TDRD9: variants seen among roughly 807,000 people sequenced by gnomAD.
The protein encoded by TDRD9 is ATP-dependent RNA helicase TDRD9.
Under a neutral mutation model 172.6 loss-of-function variants are expected in TDRD9, and 124 were observed. The ratio of observed to expected loss-of-function variants is 0.72; its 90% CI spans 0.62 to 0.83. The LOEUF (loss-of-function observed/expected upper bound fraction) is 0.83, where lower values mean the gene tolerates loss of function less well. Ranked by LOEUF, TDRD9 falls within the 40% of genes least tolerant of loss-of-function variation. TDRD9 has a pLI of 0.00. For missense variants in TDRD9, 1,479 were observed against 1,714.1 expected (o/e 0.86, Z 2.42); for synonymous variants, 619 against 617.1 (o/e 1.00, Z -0.05).
rs2033437974 is a variant in TDRD9, at chr14:103,980,699, C to T, written c.1011+5146C>T. Reference sequence around the variant, plus strand: ...CCAGGGAAAGGGAGACTCCCTTTCCCGGTCTGCTGAGTAGCGGGTGTTTTT... The same window carrying T: ...CCAGGGAAAGGGAGACTCCCTTTCCTGGTCTGCTGAGTAGCGGGTGTTTTT... On this transcript the variant is annotated intron_variant, in intron 7 of 35. Transcript: ENST00000409874. The surrounding 1 kb of genome is among the most constrained non-coding windows in gnomAD (Gnocchi z 4.5). Among the ~76,000 whole-genome samples the T allele has an allele frequency of 6.6e-6, 1 of 152,086 alleles. No homozygotes were observed. The highest frequency in any genetic ancestry group is 1.5e-5 in the Non-Finnish European group (1 of 67,996).
chr14:103,994,069 T>C (rs2033969147), intron 9 of TDRD9, among the ~76,000 whole-genome samples: 1 of 152,236 alleles, frequency 6.6e-6, no homozygotes, highest in East Asian at 1.9e-4. Flanking sequence ...AAATTACTCA[T>C]ATAGCTAACA....
intron 33 of TDRD9, among the ~76,000 whole-genome samples, chr14:104,041,717 G>A (rs182921036): frequency 5.9e-5 from 9 of 152,274 alleles, no homozygotes; most frequent in African/African-American, 2.4e-5. Flanking sequence ...CAGGGGGACC[G>A]GGGACCTTTT....
chr14:103,933,334 C>G (rs931072761), intron 1 of TDRD9, among the ~76,000 whole-genome samples: 1 of 152,204 alleles, frequency 6.6e-6, no homozygotes, highest in African/African-American at 2.4e-5. Flanking sequence ...CCTTGTGTTT[C>G]TTTGTGCTTT....
At chr14:103,970,836 A>G (rs966043825) in intron 6 of TDRD9, among the ~76,000 whole-genome samples, 1 of 152,226 alleles carries the variant, frequency 6.6e-6, no homozygotes, top group African/African-American at 2.4e-5. Flanking sequence ...AGTCACCTCT[A>G]GGTTATCTAC....
chr14:104,006,930 C>A, intron 18 of TDRD9, 85 bp downstream of exon 18: 1 of 1,209,648 alleles, frequency 8.3e-7, no homozygotes, highest in Non-Finnish European at 1.2e-6. Flanking sequence ...GAGGTAGAGA[C>A]AGACAATGTT....
chr14:104,024,692 G>A lies in TDRD9; in HGVS notation c.2718+12G>A, dbSNP rs370819117. 3.4e-6 allele frequency: 5 copies of A among 1,473,112 alleles called. No homozygotes were observed. The African/African-American group carries it at 4.2e-5, about 12-fold the overall frequency. 91.3% of individuals were successfully genotyped at this position (1,473,112 alleles called of 1,614,324 possible). A position where few individuals can be genotyped will look rare whatever the true frequency, so the allele number is the denominator to read the frequency against. The stretch of plus-strand genomic sequence containing the variant: ...TTGATGTCACAGAGGTAAGGATGAA[G>A]TAATTGAGCTTTTCCTTCTTCTTAA... On this transcript the variant is annotated intron_variant, in intron 25 of 35. Coordinates refer to ENST00000409874, the MANE Select transcript of TDRD9 (RefSeq NM_153046.3).
intron 31 of TDRD9, 65 bp from the exon 32 acceptor site, chr14:104,034,895 G>T: frequency 1.5e-6 from 2 of 1,306,062 alleles, no homozygotes; most frequent in South Asian, 2.5e-5. Flanking sequence ...GAGCGGGCCG[G>T]GAGGGAACGC....
chr14:103,964,706 G>A (rs1159400878), intron 3 of TDRD9, among the ~76,000 whole-genome samples: 1 of 152,040 alleles, frequency 6.6e-6, no homozygotes, highest in African/African-American at 2.4e-5. Context: ...TGTATTTTTA[G>A]TAGAAGCAGG....
chr14:103,942,557 A>G (rs1047558322), intron 1 of TDRD9, among the ~76,000 whole-genome samples: 20 of 152,240 alleles, frequency 1.3e-4, no homozygotes, highest in African/African-American at 4.6e-4. Flanking sequence ...TTTGCTGTGC[A>G]TAGCTGTAGG....
intron 3 of TDRD9, 53 bp downstream of exon 3, chr14:103,963,229 C>T (rs2032592137): frequency 3.1e-6 from 4 of 1,285,398 alleles, no homozygotes; most frequent in Admixed American, 2.3e-5. Context: ...ATGTCTGAGG[C>T]CCAATACTTT....
At chr14:104,012,116 G>T (rs2034631812) in intron 20 of TDRD9, among the ~76,000 whole-genome samples, 1 of 152,224 alleles carries the variant, frequency 6.6e-6, no homozygotes, top group South Asian at 2.1e-4. Context: ...TAGGCCTAGA[G>T]TACCCATGTG....
chr14:103,998,132 C>T (rs183202873), intron 12 of TDRD9, among the ~76,000 whole-genome samples: 67 of 151,970 alleles, frequency 4.4e-4, no homozygotes, highest in Non-Finnish European at 7.5e-4. Context: ...GGCAGCTTAT[C>T]CAGCCAGGCA....
rs1035733552 is a variant in TDRD9, at chr14:103,997,499, G to A, written c.1379-1125G>A. Among the ~76,000 whole-genome samples the A allele has an allele frequency of 2.0e-5, 3 of 152,228 alleles. No homozygotes were observed. The highest frequency in any genetic ancestry group is 4.4e-5 in the Non-Finnish European group (3 of 68,044). The stretch of plus-strand genomic sequence containing the variant: ...CAGGTGAGGAGCTGGGATTCGGGCT[G>A]AGACGTGCTAGATGTTCAGGTGGAG... On this transcript the variant is annotated intron_variant, in intron 12 of 35. Coordinates refer to ENST00000409874, the MANE Select transcript of TDRD9 (RefSeq NM_153046.3). This position sits in a 1 kb window ranked among gnomAD's most constrained non-coding sequence, Gnocchi z 5.1.
intron 1 of TDRD9, chr14:103,941,546 A>G: frequency 6.5e-7 from 1 of 1,535,050 alleles, no homozygotes; most frequent in Non-Finnish European, 8.7e-7. Context: ...CTTTTTGTTC[A>G]TTTTCGATTT....
At chr14:103,984,759 C>T (rs2152185840) in intron 7 of TDRD9, among the ~76,000 whole-genome samples, 1 of 152,140 alleles carries the variant, frequency 6.6e-6, no homozygotes, top group East Asian at 1.9e-4. Flanking sequence ...TCTTCCAGAC[C>T]CCAGAATGAT....
intron 11 of TDRD9, 34 bp from the exon 12 acceptor site, chr14:103,995,716 A>G (rs1256028454): frequency 1.3e-6 from 2 of 1,560,730 alleles, no homozygotes; most frequent in South Asian, 2.4e-5. Flanking sequence ...GGAATATAGT[A>G]GGAATGTCAG....
chr14:103,994,364 C>G lies in TDRD9; in HGVS notation c.1213C>G (p.Leu405Val). 6.2e-7 allele frequency: 1 copy of G among 1,613,694 alleles called. No homozygotes were observed. Among genetic ancestry groups the G allele is most frequent in the Non-Finnish European group, 8.5e-7 (1 of 1,179,730 alleles). Residue 405 changes from leucine to valine, a missense_variant, in exon 10 of 36, where the codon CTC becomes GTC. Leu to Val is a conservative substitution (Grantham distance 32, BLOSUM62 1). Transcript: ENST00000409874. ...TGAAATAAATTATATGCATGAACTT[C>G]TCACAAGCCTGGTTCATAAAAGGTA... ...LGEINYMHELLTSLVHKRLQV... is the reference protein window; with the variant it reads ...LGEINYMHELVTSLVHKRLQV...
rs2033195372 is a variant in TDRD9 at position 103,975,423 on chromosome 14, A to G, written c.881A>G (p.Glu294Gly). The G allele has an allele frequency of 6.2e-7, 1 of 1,613,804 alleles. No individual in the cohort carries two copies. The highest frequency in any genetic ancestry group is 8.5e-7 in the Non-Finnish European group (1 of 1,179,862). ...VLMSATISCK[E>G]FADYFAVPVQ... is the part of the protein sequence containing the mutation. ...ATGTCGGCTACCATCAGCTGTAAAG[A>G]GTTTGCAGACTACTTTGCTGTTCCT... The change falls in exon 7 of 36, where the codon GAG becomes GGG. Residue 294 changes from glutamate (E) to glycine (G), a missense_variant. Glu to Gly is a moderately conservative substitution (Grantham distance 98, BLOSUM62 -2). Coordinates refer to ENST00000409874, the MANE Select transcript of TDRD9 (RefSeq NM_153046.3).
At chr14:104,044,825 TG>T (rs1885669367) in intron 34 of TDRD9, among the ~76,000 whole-genome samples, 1 of 152,300 alleles carries the variant, frequency 6.6e-6, no homozygotes, top group Non-Finnish European at 1.5e-5. Context: ...TAGGTTGTAT[TG>T]GTAGGTTTAT....
Sources: gnomAD v4.1 joint callset for allele counts (sites outside exome capture counted in the v4.1 genomes callset) on GRCh38, gnomAD v4.1.1 for gene constraint, Gnocchi (gnomAD v3.1) non-coding constraint, MANE v1.5 for transcripts, NCBI Gene and HGNC (gene_info 2026-07-23, HGNC 2026-07-21) for gene names.